Variants in ATF7IP observed in about 807,000 individuals in gnomAD.
ATF7IP encodes the protein activating transcription factor 7-interacting protein 1.
Under a neutral mutation model 106.4 loss-of-function variants are expected in ATF7IP, and 23 were observed. That is an observed-to-expected ratio of 0.22 (90% CI 0.16 to 0.31). ATF7IP has a LOEUF of 0.31. Among genes scored for constraint, ATF7IP ranks in the 10% least tolerant of loss-of-function variants. The probability of loss-of-function intolerance (pLI) is 1.00; values close to 1 mark genes in which losing one functional copy is unlikely to be tolerated. For synonymous variants in ATF7IP, 542 were observed against 539.0 expected, an observed-to-expected ratio of 1.01 and a Z score of -0.08; for missense variants, 1,334 against 1,524.3, an observed-to-expected ratio of 0.88 and a Z score of 2.08.
At chr12:14,428,139 TA>T (rs59596421) in intron 2 of ATF7IP, among the ~76,000 whole-genome samples, 321 of 146,192 alleles carry the variant, frequency 2.2e-3, no homozygotes, top group Middle Eastern at 3.5e-3. Context: ...ATAAGTCCTT[TA>T]AAAAAAAAAA....
Position 14,425,242 on chromosome 12 carries a change from G to A in ATF7IP, c.1327G>A (p.Ala443Thr), listed in dbSNP as rs749196833. ...DEIIPILEKL[A>T]PSEDELTCFS... ...AATCATTCCTATTTTGGAAAAGCTT[G>A]CACCTTCTGAGGATGAACTTACTTG... is the stretch of plus-strand genomic sequence containing the variant. Residue 443 changes from alanine to threonine, a missense_variant, in exon 2 of 15, where the codon GCA becomes ACA. By Grantham distance (58) the Ala-to-Thr change is moderately conservative. Around this residue, in one of 10 missense-constraint regions of ATF7IP, gnomAD observed 41 missense variants for 60.4 expected, o/e 0.68. Coordinates refer to ENST00000261168, the MANE Select transcript of ATF7IP (RefSeq NM_018179.5). The A allele has an allele frequency of 1.3e-6, 2 of 1,595,398 alleles. No individual in the cohort carries two copies. Among genetic ancestry groups the A allele is most frequent in the South Asian group, 1.1e-5 (1 of 87,244 alleles).
At chr12:14,379,621 G>GT (rs1651525863) in intron 1 of ATF7IP, among the ~76,000 whole-genome samples, 1 of 151,952 alleles carries the variant, frequency 6.6e-6, no homozygotes, top group Non-Finnish European at 1.5e-5. Context: ...GGAGATACAG[G>GT]TTTTAAAGAC....
At chr12:14,493,353 C>T (rs1361023583) in intron 13 of ATF7IP, among the ~76,000 whole-genome samples, 1 of 152,216 alleles carries the variant, frequency 6.6e-6, no homozygotes, top group Admixed American at 6.5e-5. Context: ...AACCTCACCT[C>T]TAGGGGCCCA....
intron 6 of ATF7IP, among the ~76,000 whole-genome samples, chr12:14,449,357 A>G (rs929754018): frequency 5.9e-5 from 9 of 152,124 alleles, no homozygotes; most frequent in African/African-American, 2.2e-4. Flanking sequence ...TTTTGCGTGT[A>G]TATATCCAGT....
At chr12:14,425,590 TGAC>T (rs1941800475) in intron 2 of ATF7IP, 117 bp downstream of exon 2, 1 of 991,144 alleles carries the variant, frequency 1.0e-6, no homozygotes, top group Admixed American at 3.4e-5. Context: ...AGAATGGTGA[TGAC>T]TCTATAGAAA....
intron 13 of ATF7IP, among the ~76,000 whole-genome samples, chr12:14,485,249 G>C (rs538704566): frequency 1.6e-4 from 25 of 151,872 alleles, no homozygotes; most frequent in Admixed American, 3.3e-4. Flanking sequence ...CGATAAATGG[G>C]CTGGAGTAAC....
chr12:14,474,591 G>A (rs1944189727), intron 10 of ATF7IP, among the ~76,000 whole-genome samples: 1 of 151,732 alleles, frequency 6.6e-6, no homozygotes, highest in Admixed American at 6.6e-5. Context: ...AGTAGAGATG[G>A]GGTTTCACTA....
At chr12:14,426,907 AG>A in intron 2 of ATF7IP, among the ~76,000 whole-genome samples, 1 of 148,358 alleles carries the variant, frequency 6.7e-6, no homozygotes, top group South Asian at 2.2e-4. Context: ...GAGACAGGCC[AG>A]GCCCTTCTTG....
At chr12:14,441,961 T>C (rs1208236242) in intron 5 of ATF7IP, among the ~76,000 whole-genome samples, 1 of 152,232 alleles carries the variant, frequency 6.6e-6, no homozygotes, top group African/African-American at 2.4e-5. Flanking sequence ...AGTTTGGTCA[T>C]GATTTATTAT....
intron 1 of ATF7IP, chr12:14,369,017 C>T (rs1452482214): frequency 6.6e-6 from 1 of 151,508 alleles, no homozygotes; most frequent in Non-Finnish European, 1.5e-5. Context: ...TGGCAGTGAT[C>T]TCTGCCCACT....
chr12:14,382,175 A>G (rs1939030005), intron 1 of ATF7IP, among the ~76,000 whole-genome samples: 1 of 152,198 alleles, frequency 6.6e-6, no homozygotes, highest in Non-Finnish European at 1.5e-5. Context: ...ACTGCACTGT[A>G]GCCTGTCTAC....
chr12:14,449,124 T>G (rs1943098265), intron 6 of ATF7IP, among the ~76,000 whole-genome samples: 1 of 152,210 alleles, frequency 6.6e-6, no homozygotes, highest in Non-Finnish European at 1.5e-5. Flanking sequence ...TTTCCTTTCA[T>G]ATACAGAAGT....
chr12:14,471,624 A>T (rs1944049149), intron 10 of ATF7IP, among the ~76,000 whole-genome samples: 1 of 152,120 alleles, frequency 6.6e-6, no homozygotes, highest in Non-Finnish European at 1.5e-5. Flanking sequence ...TAGTCATGGC[A>T]CAAGGGGAAG....
At position 14,460,808 on chromosome 12, in the gene ATF7IP, A is replaced by T; in HGVS notation, c.2472A>T (p.Thr824=). 6.2e-7 allele frequency: 1 copy of T among 1,614,200 alleles called. No homozygotes were observed. The highest frequency in any genetic ancestry group is 8.5e-7 in the Non-Finnish European group (1 of 1,180,032). Reference sequence around the variant, plus strand: ...TCATTTCTGTGCAAAGCCCACCTACAGTGAGTGGTCTTACCAAAAATCCAG... The same window carrying T: ...TCATTTCTGTGCAAAGCCCACCTACTGTGAGTGGTCTTACCAAAAATCCAG... ...VEFISVQSPP[T]VSGLTKNPVS... is the part of the protein sequence containing the mutation. Residue 824 remains threonine (T), a synonymous_variant, in exon 9 of 15, where the codon ACA becomes ACT. Coordinates refer to ENST00000261168, the MANE Select transcript of ATF7IP (RefSeq NM_018179.5).
At chr12:14,427,026 T>G (rs995972752) in intron 2 of ATF7IP, among the ~76,000 whole-genome samples, 1 of 152,090 alleles carries the variant, frequency 6.6e-6, no homozygotes, top group African/African-American at 2.4e-5. Context: ...AAATTGGCAT[T>G]CTGGGAGTGC....
intron 1 of ATF7IP, among the ~76,000 whole-genome samples, chr12:14,418,793 G>A (rs1456323331): frequency 6.6e-6 from 1 of 152,062 alleles, no homozygotes; most frequent in African/African-American, 2.4e-5. Flanking sequence ...TTGTGGGTAT[G>A]GATGGTAGTT....
chr12:14,420,021 T>A (rs1366732431), intron 1 of ATF7IP: 1 of 152,196 alleles, frequency 6.6e-6, no homozygotes, highest in Non-Finnish European at 1.5e-5. Flanking sequence ...CTTATTATTT[T>A]ATGCGCTTCA....
intron 1 of ATF7IP, among the ~76,000 whole-genome samples, chr12:14,392,221 G>T (rs1466530860): frequency 6.8e-6 from 1 of 147,062 alleles, no homozygotes; most frequent in African/African-American, 2.7e-5. Context: ...CTTTAGCACA[G>T]ATCTTTTTTT....
intron 6 of ATF7IP, among the ~76,000 whole-genome samples, chr12:14,450,840 A>G (rs561834613): frequency 6.6e-6 from 1 of 152,168 alleles, no homozygotes; most frequent in Non-Finnish European, 1.5e-5. Flanking sequence ...TCACTCTGTC[A>G]TCCAGGCTGG....
Sources: gnomAD v4.1 joint callset for allele counts (sites outside exome capture counted in the v4.1 genomes callset) on GRCh38, gnomAD v4.1.1 for gene constraint, gnomAD v4.1.1 regional missense constraint, MANE v1.5 for transcripts, NCBI Gene and HGNC (gene_info 2026-07-23, HGNC 2026-07-21) for gene names.